Variants in PDE4D observed in about 807,000 individuals in gnomAD.
The protein encoded by PDE4D is 3',5'-cyclic-AMP phosphodiesterase 4D.
PDE4D carries 24 observed loss-of-function variants against 87.4 expected under a neutral mutation model. The observed-to-expected ratio is 0.27, with a 90% confidence interval of 0.20 to 0.39. The LOEUF (loss-of-function observed/expected upper bound fraction) is 0.39. Among genes scored for constraint, PDE4D ranks in the 10% least tolerant of loss-of-function variants. The probability of loss-of-function intolerance (pLI) is 1.00; values close to 1 mark genes in which losing one functional copy is unlikely to be tolerated. For missense variants in PDE4D, 714 were observed against 1,041.0 expected, an observed-to-expected ratio of 0.69 and a Z score of 4.32; for synonymous variants, 384 against 383.2, an observed-to-expected ratio of 1.00 and a Z score of -0.02.
At chr5:59,265,526 A>G (rs1413595582) in intron 1 of PDE4D, among the ~76,000 whole-genome samples, 1 of 152,106 alleles carries the variant, frequency 6.6e-6, no homozygotes, top group Non-Finnish European at 1.5e-5. Context: ...TTGATTATTT[A>G]GAAAGTCATA....
At chr5:59,329,629 A>T (rs983634933) in intron 1 of PDE4D, among the ~76,000 whole-genome samples, 1 of 152,230 alleles carries the variant, frequency 6.6e-6, no homozygotes, top group Non-Finnish European at 1.5e-5. Flanking sequence ...AAAACTGAGC[A>T]TATCTATATT....
At chr5:59,491,200 T>C (rs1806122312) in intron 1 of PDE4D, among the ~76,000 whole-genome samples, 1 of 152,240 alleles carries the variant, frequency 6.6e-6, no homozygotes, top group African/African-American at 2.4e-5. Context: ...AAACATCTCA[T>C]TATTCTTTTT....
chr5:59,337,331 C>CT (rs200936746), intron 1 of PDE4D, among the ~76,000 whole-genome samples: 72 of 132,102 alleles, frequency 5.5e-4, no homozygotes, highest in Admixed American at 1.2e-3. Flanking sequence ...GTTCCCCCCC[C>CT]CCCACCTTTT....
intron 1 of PDE4D, among the ~76,000 whole-genome samples, chr5:59,468,366 C>A (rs1801909747): frequency 6.6e-6 from 1 of 152,080 alleles, no homozygotes; most frequent in South Asian, 2.1e-4. Context: ...CTTTCAAAAG[C>A]CATTTGTTCT....
chr5:60,148,206 T>C (rs1043946600), intron 2 of PDE4D, among the ~76,000 whole-genome samples: 5 of 152,056 alleles, frequency 3.3e-5, no homozygotes, highest in Admixed American at 3.3e-4. Context: ...GTAACATAGG[T>C]TCCTTTTAAG....
Position 60,386,890 on chromosome 5 carries a change from T to C in PDE4D, c.-90+101052A>G, listed in dbSNP as rs191286426. On this transcript the variant is annotated intron_variant, in intron 1 of 16. Coordinates refer to the PDE4D transcript ENST00000502484. ...CAGTTTGTGCTTGGCATCTGTTGTT[T>C]GTGATTTTGTGATGCATTGATCACT... is the stretch of plus-strand genomic sequence containing the variant. Among the ~76,000 whole-genome samples, 1,108 of 152,364 alleles carry C rather than the reference T, an allele frequency of 7.3e-3. 22 individuals are homozygous for C. Among genetic ancestry groups the C allele is most frequent in the Non-Finnish European group, 7.5e-3 (513 of 68,044 alleles).
intron 2 of PDE4D, among the ~76,000 whole-genome samples, chr5:59,212,521 C>T (rs1750305167): frequency 6.6e-6 from 1 of 151,936 alleles, no homozygotes; most frequent in Admixed American, 6.6e-5. Context: ...TCTTGAGGCA[C>T]ACAGCAAAAT....
chr5:59,373,578 G>T (rs1355432742), intron 1 of PDE4D, among the ~76,000 whole-genome samples: 2 of 152,120 alleles, frequency 1.3e-5, no homozygotes, highest in East Asian at 3.9e-4. Context: ...TGAAATACAT[G>T]AGGAGAATGA....
intron 1 of PDE4D, among the ~76,000 whole-genome samples, chr5:59,238,529 G>T (rs1756967506): frequency 6.6e-6 from 1 of 152,142 alleles, no homozygotes; most frequent in Non-Finnish European, 1.5e-5. Flanking sequence ...TTCGACTTTT[G>T]TTGAGCACCG....
intron 5 of PDE4D, among the ~76,000 whole-genome samples, chr5:59,069,512 CTTTTTTT>C (rs61429511): frequency 1.4e-5 from 2 of 142,534 alleles, no homozygotes; most frequent in South Asian, 4.5e-4. Flanking sequence ...GAACAAGAAG[CTTTTTTT>C]TTTTTTTCCC....
At chr5:60,370,408 G>A (rs1406804197) in intron 1 of PDE4D, among the ~76,000 whole-genome samples, 2 of 152,132 alleles carry the variant, frequency 1.3e-5, no homozygotes, top group African/African-American at 4.8e-5. Flanking sequence ...AGAATCTCTG[G>A]AACTAAGGAA....
At chr5:59,201,816 CT>C (rs1189393297) in intron 2 of PDE4D, among the ~76,000 whole-genome samples, 2 of 152,212 alleles carry the variant, frequency 1.3e-5, no homozygotes, top group East Asian at 3.9e-4. Flanking sequence ...AACACAAAAA[CT>C]TGTATTAAAA....
At chr5:59,268,457 C>G (rs1763229664) in intron 1 of PDE4D, among the ~76,000 whole-genome samples, 2 of 152,032 alleles carry the variant, frequency 1.3e-5, no homozygotes, top group Admixed American at 1.3e-4. Flanking sequence ...CAGTGTCTCA[C>G]CCAGGCTTGC....
At chr5:59,514,349 C>T (rs531453014) in intron 1 of PDE4D, among the ~76,000 whole-genome samples, 2 of 152,252 alleles carry the variant, frequency 1.3e-5, no homozygotes, top group African/African-American at 4.8e-5. Context: ...TTGTGATCCA[C>T]CCGCCTCGGC....
chr5:59,971,034 ATG>A (rs1760686286), intron 3 of PDE4D, among the ~76,000 whole-genome samples: 1 of 152,106 alleles, frequency 6.6e-6, no homozygotes, highest in African/African-American at 2.4e-5. Context: ...GCCATAAAAA[ATG>A]ATGAGGTCAT....
At chr5:59,345,391 T>C (rs971880875) in intron 1 of PDE4D, among the ~76,000 whole-genome samples, 1 of 152,288 alleles carries the variant, frequency 6.6e-6, no homozygotes, top group East Asian at 1.9e-4. Flanking sequence ...TTGCTAACAA[T>C]GATTACTATT....
At chr5:60,211,078 C>T (rs1487358426) in intron 1 of PDE4D, among the ~76,000 whole-genome samples, 1 of 152,278 alleles carries the variant, frequency 6.6e-6, no homozygotes. Flanking sequence ...TCCACCTGGG[C>T]GCTGGAATCA....
intron 1 of PDE4D, among the ~76,000 whole-genome samples, chr5:59,391,377 G>C (rs1310717878): frequency 2.0e-5 from 3 of 152,024 alleles, no homozygotes; most frequent in African/African-American, 4.8e-5. Flanking sequence ...TTCCTGCTTT[G>C]TCTCAGCTGT....
At chr5:59,599,783 C>T (rs1039600195) in intron 1 of PDE4D, among the ~76,000 whole-genome samples, 2 of 152,182 alleles carry the variant, frequency 1.3e-5, no homozygotes, top group East Asian at 1.9e-4. Flanking sequence ...CTGGGTTGCT[C>T]TTCCCCTTCC....
Sources: gnomAD v4.1 joint callset for allele counts (sites outside exome capture counted in the v4.1 genomes callset) on GRCh38, gnomAD v4.1.1 for gene constraint, MANE v1.5 for transcripts, NCBI Gene and HGNC (gene_info 2026-07-23, HGNC 2026-07-21) for gene names.